ERICH1: variants seen among roughly 807,000 people sequenced by gnomAD.
ERICH1 encodes glutamate rich 1.
ERICH1 carries 56 observed loss-of-function variants against 39.6 expected under a neutral mutation model. The observed-to-expected ratio is 1.41, with a 90% CI of 1.14 to 1.77. The LOEUF is 1.77. Among genes scored for constraint, ERICH1 ranks in the 40% most tolerant of loss-of-function variants. The pLI, the probability that ERICH1 is intolerant of heterozygous loss-of-function variation, is 0.00. For synonymous variants in ERICH1, 313 were observed against 223.6 expected (o/e 1.40, Z -3.57); for missense variants, 826 against 575.4 (o/e 1.44, Z -4.45).
downstream of ERICH1, among the ~76,000 whole-genome samples, chr8:659,920 G>A (rs1396345047): frequency 1.3e-5 from 2 of 152,118 alleles, no homozygotes; most frequent in East Asian, 3.9e-4. Context: ...TCCACTGGCA[G>A]GCTGCTCCCT....
chr8:654,983 C>T (rs1446132167), intron 3 of ERICH1, among the ~76,000 whole-genome samples: 1 of 152,336 alleles, frequency 6.6e-6, no homozygotes, highest in East Asian at 1.9e-4. Flanking sequence ...GGAGTTGCGC[C>T]CTGGTGCTCA....
intron 1 of ERICH1, among the ~76,000 whole-genome samples, chr8:723,509 T>TA (rs1486272780): frequency 6.6e-6 from 1 of 152,206 alleles, no homozygotes; most frequent in East Asian, 1.9e-4. Flanking sequence ...CCTGTCATAT[T>TA]AGAGAAATCT....
At chr8:716,999 G>A (rs1016147339) in intron 1 of ERICH1, among the ~76,000 whole-genome samples, 1 of 152,174 alleles carries the variant, frequency 6.6e-6, no homozygotes, top group South Asian at 2.1e-4. Context: ...GGGTTTCCAC[G>A]CAACGCTCAC....
chr8:677,988 C>T (rs913409540), intron 3 of ERICH1, among the ~76,000 whole-genome samples: 2 of 152,132 alleles, frequency 1.3e-5, no homozygotes, highest in Non-Finnish European at 2.9e-5. Flanking sequence ...CAAATGGTTG[C>T]CCTGTTGAGA....
chr8:619,916 C>G (rs1255428266), intron 3 of ERICH1, among the ~76,000 whole-genome samples: 1 of 151,884 alleles, frequency 6.6e-6, no homozygotes. Context: ...ATAAACAATA[C>G]AGTAAAAATG....
intron 2 of ERICH1, among the ~76,000 whole-genome samples, chr8:710,748 G>A (rs1355255342): frequency 1.3e-5 from 2 of 152,208 alleles, no homozygotes; most frequent in Non-Finnish European, 2.9e-5. Flanking sequence ...TTGTCTGGAT[G>A]TACCACAATT....
chr8:673,426 G>A lies in ERICH1; in HGVS notation c.926C>T (p.Ala309Val). The A allele has an allele frequency of 1.9e-6, 3 of 1,613,934 alleles. No individual in the cohort carries two copies. Among genetic ancestry groups the A allele is most frequent in the Non-Finnish European group, 2.5e-6 (3 of 1,179,962 alleles). Residue 309 changes from alanine to valine, a missense_variant, in exon 4 of 6, where the codon GCT (alanine) becomes GTT (valine). Transcript: ENST00000262109. ...GGAGTCTGCACCCTCTTCCTCCCCAGCCCATGTCGGGTCTTCCTCGCTGGC... is the reference window on the plus strand; with the variant it reads ...GGAGTCTGCACCCTCTTCCTCCCCAACCCATGTCGGGTCTTCCTCGCTGGC... Reference protein sequence around the residue: ...ADASEEDPTWAGEEEGADSGE... With the variant: ...ADASEEDPTWVGEEEGADSGE...
At chr8:728,450 C>A (rs1041598561) in intron 1 of ERICH1, among the ~76,000 whole-genome samples, 4 of 152,158 alleles carry the variant, frequency 2.6e-5, no homozygotes, top group African/African-American at 9.7e-5. Context: ...CGCAGCAGGC[C>A]CCTTCCTCGA....
chr8:650,188 T>G (rs369117716), intron 3 of ERICH1, among the ~76,000 whole-genome samples: 10 of 152,212 alleles, frequency 6.6e-5, no homozygotes, highest in African/African-American at 9.6e-5. Context: ...CGTTCCTCTC[T>G]GCACTCAGGA....
intron 2 of ERICH1, among the ~76,000 whole-genome samples, chr8:694,813 G>C (rs1324786815): frequency 6.6e-6 from 1 of 152,180 alleles, no homozygotes; most frequent in Non-Finnish European, 1.5e-5. Context: ...TCAGGTGCAA[G>C]GAAGAGACCG....
chr8:633,444 T>C (rs1798178335), intron 3 of ERICH1, among the ~76,000 whole-genome samples: 1 of 152,136 alleles, frequency 6.6e-6, no homozygotes, highest in African/African-American at 2.4e-5. Flanking sequence ...GCCCCCAAAG[T>C]ACAGCAATAT....
At chr8:674,856 G>A (rs1168008404) in intron 3 of ERICH1, among the ~76,000 whole-genome samples, 1 of 152,210 alleles carries the variant, frequency 6.6e-6, no homozygotes, top group East Asian at 1.9e-4. Flanking sequence ...ATAGGTTGGT[G>A]ATGTGCTGGT....
chr8:663,580 CAG>C (rs1169709975), downstream of ERICH1, among the ~76,000 whole-genome samples: 1 of 152,040 alleles, frequency 6.6e-6, no homozygotes, highest in East Asian at 1.9e-4. Context: ...CTGGAAGACA[CAG>C]AGGGATGCTC....
At chr8:642,753 G>A (rs1276146453) in intron 3 of ERICH1, among the ~76,000 whole-genome samples, 1 of 152,106 alleles carries the variant, frequency 6.6e-6, no homozygotes, top group African/African-American at 2.4e-5. Flanking sequence ...CTCTTCTTGT[G>A]GAGTTCTCAC....
chr8:664,755 A>G, intron 5 of ERICH1, 79 bp from the exon 6 acceptor site: 1 of 1,221,830 alleles, frequency 8.2e-7, no homozygotes, highest in Admixed American at 2.1e-5. Flanking sequence ...TGTAGACACG[A>G]GCCTTTGGGC....
intron 3 of ERICH1, among the ~76,000 whole-genome samples, chr8:638,480 G>C (rs761901510): frequency 1.3e-5 from 2 of 152,320 alleles, no homozygotes; most frequent in East Asian, 3.9e-4. Flanking sequence ...GGGAAGGTTC[G>C]TGGGTTCAAA....
At chr8:725,237 C>T in intron 1 of ERICH1, 1 of 178,688 alleles carries the variant, frequency 5.6e-6, no homozygotes, top group Non-Finnish European at 1.2e-5. Flanking sequence ...GGCTTCCTGT[C>T]TGCTCTGTTC....
rs751777632 is a variant in ERICH1 at position 692,576 on chromosome 8, T to C, written c.206A>G (p.Tyr69Cys). 4 of 1,611,458 alleles carry C rather than the reference T, an allele frequency of 2.5e-6. No homozygotes were observed. In the African/African-American group the frequency reaches 4.0e-5, roughly 16 times the overall value. The change falls in exon 3 of 6, where the codon TAC (tyrosine) becomes TGC (cysteine). Residue 69 changes from tyrosine (Y) to cysteine (C), a missense_variant. Transcript: ENST00000262109. ...GCCCTCAGGAGGCCCGCTGGCAGTGTAGAGCCGTCGGGCAGTCGGGGTCTC... is the reference window on the plus strand; with the variant it reads ...GCCCTCAGGAGGCCCGCTGGCAGTGCAGAGCCGTCGGGCAGTCGGGGTCTC... Reference protein sequence around the residue: ...GSETPTARRLYTASGPPEGYV... With the variant: ...GSETPTARRLCTASGPPEGYV...
intron 1 of ERICH1, among the ~76,000 whole-genome samples, chr8:722,026 T>G (rs1248347374): frequency 2.0e-5 from 3 of 152,022 alleles, no homozygotes; most frequent in African/African-American, 2.4e-5. Context: ...CGATGCTGCA[T>G]GGCCCAAATG....
Sources: allele counts gnomAD v4.1 joint callset (sites outside exome capture counted in the v4.1 genomes callset), GRCh38; gene constraint gnomAD v4.1.1; transcripts MANE v1.5; gene names NCBI Gene and HGNC (gene_info 2026-07-23, HGNC 2026-07-21).